The following DONSON variants were observed in gnomAD, a reference collection of about 807,000 sequenced individuals.
DONSON encodes DNA replication fork stabilization factor DONSON, also known as protein downstream neighbor of Son.
Under a neutral mutation model 62.1 loss-of-function variants are expected in DONSON, and 43 were observed. That is an observed-to-expected ratio of 0.69 (90% CI 0.54 to 0.89). The LOEUF is 0.89. Ranked by LOEUF, DONSON falls within the 40% of genes least tolerant of loss-of-function variation. The pLI is 0.00. For missense variants in DONSON, 696 were observed against 697.5 expected (o/e 1.00, Z 0.03); for synonymous variants, 266 against 264.6 (o/e 1.01, Z -0.05).
chr21:33,583,917 CTTAA>C (rs1391349603), intron 4 of DONSON, among the ~76,000 whole-genome samples: 1 of 149,786 alleles, frequency 6.7e-6, no homozygotes, highest in African/African-American at 2.5e-5. Flanking sequence ...TTAAACAAAA[CTTAA>C]TTGAGAATTG....
chr21:33,588,616 G>A lies in DONSON; in HGVS notation c.26C>T (p.Ser9Leu). The change falls in exon 1 of 10, where the codon TCA becomes TTA. Residue 9 changes from serine to leucine, a missense_variant. Physicochemically the swap from Ser to Leu is moderately radical, Grantham distance 145. Coordinates refer to ENST00000303071, the MANE Select transcript of DONSON (RefSeq NM_017613.4). MALSVPGY[S>L]PGFRKPPEVV... ...CTCGGGCGGCTTTCGGAAGCCCGGT[G>A]AGTAGCCGGGCACCGAAAGGGCCAT... 1 of 1,246,832 alleles carries A rather than the reference G, an allele frequency of 8.0e-7. No homozygotes were observed. The highest frequency in any genetic ancestry group is 1.0e-6 in the Non-Finnish European group (1 of 994,284). The allele number at this position is 1,246,832 out of a possible 1,614,324, so 77.2% of individuals were successfully genotyped here.
Position 33,586,167 on chromosome 21 carries a change from T to TG in DONSON, c.416dup (p.Phe140IlefsTer5). ...AGGACGGAATATCAGGCTCGGAGAA[T>TG]GATACATGTGAAGTCTTTAGAAAAC... On this transcript the variant is annotated frameshift_variant, in exon 3 of 10. Coordinates refer to ENST00000303071, the MANE Select transcript of DONSON (RefSeq NM_017613.4). LOFTEE classifies it high-confidence loss of function. The TG allele has an allele frequency of 6.2e-7, 1 of 1,614,144 alleles. No homozygotes were observed. Among genetic ancestry groups the TG allele is most frequent in the Non-Finnish European group, 8.5e-7 (1 of 1,180,012 alleles).
intron 7 of DONSON, among the ~76,000 whole-genome samples, chr21:33,581,703 T>C (rs1430089200): frequency 6.6e-6 from 1 of 152,230 alleles, no homozygotes; most frequent in Non-Finnish European, 1.5e-5. Context: ...CACCTAAACC[T>C]AATTTCTTCT....
Position 33,579,411 on chromosome 21 carries a change from T to C in DONSON, c.1502A>G (p.Tyr501Cys), listed in dbSNP as rs574138861. 124 of 1,613,852 alleles carry C rather than the reference T, an allele frequency of 7.7e-5. 4 individuals are homozygous for C. In the South Asian group the frequency reaches 1.3e-3, roughly 17 times the overall value. ...AAATACAGCAGTTGGCTCGTGTGGA[T>C]ACAGTACTGCAGAGAAAGATCCACT... The part of the protein sequence containing the change: ...SQSGSFSAVL[Y>C]PHEPTAVFNI... Residue 501 changes from tyrosine to cysteine, a missense_variant, in exon 9 of 10, where the codon TAT becomes TGT. Transcript: ENST00000303071.
rs1276873208 is a variant in DONSON, at chr21:33,585,996, A to C, written c.588T>G (p.Thr196=). The change falls in exon 3 of 10, where the codon ACT becomes ACG. Residue 196 remains threonine, a synonymous_variant. Coordinates refer to ENST00000303071, the MANE Select transcript of DONSON (RefSeq NM_017613.4). The stretch of plus-strand genomic sequence containing the variant: ...GAGTTACCTGTATACTTTTAGGCAA[A>C]GTAACTTCTGTTGCCCTACAATGCT... ...LVQHCRATEV[T]LPKSIQDPKL... The C allele has an allele frequency of 6.2e-7, 1 of 1,614,210 alleles. No individual in the cohort carries two copies. The highest frequency in any genetic ancestry group is 8.5e-7 in the Non-Finnish European group (1 of 1,180,044).
At position 33,582,609 on chromosome 21, in the gene DONSON, G is replaced by A. The variant is rs564936501; in HGVS notation, c.965-363C>T. On this transcript the variant is annotated intron_variant, in intron 5 of 9. Coordinates refer to ENST00000303071, the MANE Select transcript of DONSON (RefSeq NM_017613.4). ...TGGTACTATAGAAGAATTTCTAGAA[G>A]AGTATATTCAGATAGTGACTATCTG... Among the ~76,000 whole-genome samples the A allele has an allele frequency of 2.9e-4, 44 of 152,250 alleles. No homozygotes were observed. The South Asian group carries it at 6.2e-3, about 22-fold the overall frequency.
chr21:33,580,588 G>A (rs1410023211), intron 8 of DONSON, among the ~76,000 whole-genome samples: 2 of 149,432 alleles, frequency 1.3e-5, no homozygotes, highest in South Asian at 2.2e-4. Context: ...AGGCTGCAGT[G>A]AGCTGTGCCA....
chr21:33,578,940 C>T (rs1371026824), intron 9 of DONSON, among the ~76,000 whole-genome samples: 2 of 152,098 alleles, frequency 1.3e-5, no homozygotes, highest in African/African-American at 2.4e-5. Context: ...AGTTCAAGAC[C>T]AGCCTGGCCA....
intron 2 of DONSON, among the ~76,000 whole-genome samples, 171 bp from the exon 3 acceptor site, chr21:33,586,352 A>G (rs542882053): frequency 6.6e-6 from 1 of 152,354 alleles, no homozygotes; most frequent in South Asian, 2.1e-4. Flanking sequence ...GAGTCACACT[A>G]AACTTTTAAC....
At chr21:33,583,933 C>T (rs1457420974) in intron 4 of DONSON, among the ~76,000 whole-genome samples, 1 of 149,564 alleles carries the variant, frequency 6.7e-6, no homozygotes, top group Non-Finnish European at 1.5e-5. Context: ...TGAGAATTGC[C>T]TGCTGACTTT....
chr21:33,581,622 C>G, intron 7 of DONSON, 122 bp from the exon 8 acceptor site: 1 of 799,640 alleles, frequency 1.3e-6, no homozygotes, highest in Non-Finnish European at 1.9e-6. Context: ...CCTCTTGCTA[C>G]CTCTCTTTAC....
In DONSON at chr21:33,583,505, T is replaced by C. The variant is rs1182618992; in HGVS notation, c.947A>G (p.Glu316Gly). ...LISPTTRGLR[E>G]AMRNEGIEFS... is the part of the protein sequence containing the mutation. ...ACTTTTACCTTCATTTCTCATAGCT[T>C]CTCTTAAACCTCGAGTTGTTGGAGA... Residue 316 changes from glutamate (E) to glycine (G), a missense_variant, in exon 5 of 10, where the codon GAA becomes GGA. Transcript: ENST00000303071. 1 of 1,613,806 alleles carries C rather than the reference T, an allele frequency of 6.2e-7. No individual in the cohort carries two copies. Among genetic ancestry groups the C allele is most frequent in the East Asian group, 2.2e-5 (1 of 44,848 alleles).
chr21:33,585,387 A>ATTTTTTTTTTTT (rs773327167), intron 3 of DONSON, among the ~76,000 whole-genome samples: 1 of 109,820 alleles, frequency 9.1e-6, no homozygotes. Context: ...TGCTCAGCTA[A>ATTTTTTTTTTTT]TTTTTTTTTT....
In DONSON at chr21:33,588,337, G is replaced by A. The variant is rs2086605574; in HGVS notation, c.305C>T (p.Pro102Leu). The A allele has an allele frequency of 1.5e-6, 2 of 1,293,328 alleles. No individual in the cohort carries two copies. Among genetic ancestry groups the A allele is most frequent in the South Asian group, 2.8e-5 (1 of 35,520 alleles). 80.1% of individuals were successfully genotyped at this position (1,293,328 alleles called of 1,614,324 possible). The change falls in exon 1 of 10, where the codon CCG becomes CTG. Residue 102 changes from proline to leucine, a missense_variant. Coordinates refer to ENST00000303071, the MANE Select transcript of DONSON (RefSeq NM_017613.4). ...EPPDGPAREQ[P>L]EAPVPFLDSN... is the part of the protein sequence containing the mutation. The stretch of plus-strand genomic sequence containing the variant: ...GACACTCACCGGGACCGGGGCCTCC[G>A]GCTGCTCGCGGGCCGGCCCGTCGGG...
At chr21:33,582,987 G>A (rs1407604331) in intron 5 of DONSON, among the ~76,000 whole-genome samples, 1 of 151,856 alleles carries the variant, frequency 6.6e-6, no homozygotes, top group African/African-American at 2.4e-5. Flanking sequence ...GGATCACGAG[G>A]TCAGGAGATC....
Position 33,588,513 on chromosome 21 carries a change from C to G in DONSON, c.129G>C (p.Ala43=), listed in dbSNP as rs774654613. ...ASPPRELTEP[A]ARRAALVAGL... Reference sequence around the variant, plus strand: ...CCGCCACCAGGGCGGCTCGGCGGGCCGCCGGCTCCGTCAGCTCACGGGGCG... The same window carrying G: ...CCGCCACCAGGGCGGCTCGGCGGGCGGCCGGCTCCGTCAGCTCACGGGGCG... Residue 43 remains alanine, a synonymous_variant, in exon 1 of 10, where the codon GCG becomes GCC. Transcript: ENST00000303071. The G allele has an allele frequency of 7.2e-6, 9 of 1,252,410 alleles. No individual in the cohort carries two copies. Among genetic ancestry groups the G allele is most frequent in the Non-Finnish European group, 9.0e-6 (9 of 998,934 alleles). 77.6% of individuals were successfully genotyped at this position (1,252,410 alleles called of 1,614,324 possible). A position where few individuals can be genotyped will look rare whatever the true frequency, so the allele number is the denominator to read the frequency against.
intron 1 of DONSON, among the ~76,000 whole-genome samples, 156 bp downstream of exon 1, chr21:33,588,165 C>T (rs1257671440): frequency 6.6e-6 from 1 of 152,214 alleles, no homozygotes; most frequent in Non-Finnish European, 1.5e-5. Context: ...GCCAGAATCG[C>T]GGCTCCCAGG....
chr21:33,578,572 G>T, intron 9 of DONSON, 128 bp from the exon 10 acceptor site: 2 of 1,061,972 alleles, frequency 1.9e-6, no homozygotes, highest in Non-Finnish European at 2.5e-6. Context: ...AATAGAAGTT[G>T]ATGCTAAGAA....
intron 1 of DONSON, 152 bp from the exon 2 acceptor site, chr21:33,587,754 T>C: frequency 1.8e-6 from 1 of 560,800 alleles, no homozygotes; most frequent in East Asian, 3.1e-5. Flanking sequence ...TTTCAACACT[T>C]CAGTTTTGTG....
Sources: allele counts gnomAD v4.1 joint callset (sites outside exome capture counted in the v4.1 genomes callset), GRCh38; gene constraint gnomAD v4.1.1; transcripts MANE v1.5; gene names NCBI Gene and HGNC (gene_info 2026-07-23, HGNC 2026-07-21).